The following ARHGEF12 variants were observed in gnomAD, a reference collection of about 807,000 sequenced individuals.
ARHGEF12 encodes the protein Rho guanine nucleotide exchange factor 12, also known as KMT2A/ARHGEF12 fusion protein.
Under a neutral mutation model 211.2 loss-of-function variants are expected in ARHGEF12, and 66 were observed. That is an observed-to-expected ratio of 0.31 (90% CI 0.26 to 0.38). The LOEUF (loss-of-function observed/expected upper bound fraction) is 0.38. Among genes scored for constraint, ARHGEF12 ranks in the 10% least tolerant of loss-of-function variants. The pLI is 1.00. For synonymous variants in ARHGEF12, 592 were observed against 638.4 expected (o/e 0.93, Z 1.09); for missense variants, 1,429 against 1,869.5 (o/e 0.76, Z 4.34).
chr11:120,355,836 G>C (rs1013665349), intron 1 of ARHGEF12, among the ~76,000 whole-genome samples: 1 of 152,202 alleles, frequency 6.6e-6, no homozygotes, highest in African/African-American at 2.4e-5. Context: ...TCTATTTTAA[G>C]ATAAATTACA....
chr11:120,477,890 A>C (rs1376662497), intron 36 of ARHGEF12, among the ~76,000 whole-genome samples: 1 of 151,478 alleles, frequency 6.6e-6, no homozygotes, highest in Non-Finnish European at 1.5e-5. Flanking sequence ...AAAGAAAAAA[A>C]AGAAAATAAA....
chr11:120,398,339 A>G (rs1352675014), intron 1 of ARHGEF12, among the ~76,000 whole-genome samples: 1 of 152,186 alleles, frequency 6.6e-6, no homozygotes, highest in Admixed American at 6.5e-5. Flanking sequence ...AATTCCTAAA[A>G]CACTCATCCT....
intron 12 of ARHGEF12, among the ~76,000 whole-genome samples, chr11:120,437,740 C>A (rs182281106): frequency 6.1e-4 from 93 of 152,278 alleles, no homozygotes; most frequent in Non-Finnish European, 9.6e-4. Context: ...TTTCCCCCTT[C>A]CCCCTAGCCC....
chr11:120,434,743 A>G (rs576705583), intron 11 of ARHGEF12, among the ~76,000 whole-genome samples: 1 of 152,334 alleles, frequency 6.6e-6, no homozygotes, highest in East Asian at 1.9e-4. Context: ...TTGGTAACAA[A>G]TCATCATCTG....
Position 120,485,558 on chromosome 11 carries a change from TG to T in ARHGEF12, c.*483del. 1 of 238,136 alleles carries T rather than the reference TG, an allele frequency of 4.2e-6. No individual in the cohort carries two copies. Among genetic ancestry groups the T allele is most frequent in the Non-Finnish European group, 8.3e-6 (1 of 120,914 alleles). 14.8% of individuals were successfully genotyped at this position (238,136 alleles called of 1,614,324 possible). Reference sequence around the variant, plus strand: ...TGCTCCTGAAGCAAAGAGGTCAGGATGGAGTATGCAGAAGTTGGGTAGAGAG... The same window carrying T: ...TGCTCCTGAAGCAAAGAGGTCAGGATGAGTATGCAGAAGTTGGGTAGAGAG... On this transcript the variant is annotated 3_prime_UTR_variant, in exon 41 of 41. Transcript: ENST00000397843.
At chr11:120,342,173 G>A (rs1942557220) in intron 1 of ARHGEF12, among the ~76,000 whole-genome samples, 1 of 151,816 alleles carries the variant, frequency 6.6e-6, no homozygotes, top group Admixed American at 6.6e-5. Flanking sequence ...ATTTTTCTGT[G>A]CTATTTTCCT....
chr11:120,362,601 G>C (rs1220876725), intron 1 of ARHGEF12, among the ~76,000 whole-genome samples: 1 of 152,156 alleles, frequency 6.6e-6, no homozygotes, highest in Admixed American at 6.5e-5. Flanking sequence ...TTGGAAATAA[G>C]AGTAGAGACT....
In ARHGEF12 at chr11:120,480,158, T is replaced by C. The variant is rs768099529; in HGVS notation, c.3965T>C (p.Ile1322Thr). The C allele has an allele frequency of 3.7e-6, 6 of 1,614,072 alleles. No individual in the cohort carries two copies. Among genetic ancestry groups the C allele is most frequent in the South Asian group, 2.2e-5 (2 of 91,088 alleles). Residue 1322 changes from isoleucine to threonine, a missense_variant, in exon 38 of 41, where the codon ATT becomes ACT. By Grantham distance (89) the Ile-to-Thr change is moderately conservative. This residue lies in a region of ARHGEF12 where 467 missense variants were observed against 468.4 expected (regional missense o/e 1.00). Transcript: ENST00000397843. ...HMPFRTGTGD[I>T]ATCYSPRTST... Reference sequence around the variant, plus strand: ...CCCTTTAGAACTGGAACTGGTGACATTGCAACTTGTTACAGTCCACGGACT... The same window carrying C: ...CCCTTTAGAACTGGAACTGGTGACACTGCAACTTGTTACAGTCCACGGACT...
At chr11:120,472,999 G>T in intron 30 of ARHGEF12, 51 bp from the exon 31 acceptor site, 1 of 1,536,836 alleles carries the variant, frequency 6.5e-7, no homozygotes, top group Admixed American at 1.7e-5. Context: ...AAATAGAGAG[G>T]TCATTAATGA....
chr11:120,407,879 T>A, intron 3 of ARHGEF12, 56 bp downstream of exon 3: 1 of 1,492,176 alleles, frequency 6.7e-7, no homozygotes, highest in Non-Finnish European at 9.3e-7. Context: ...TTCAGAATAA[T>A]AGAGCTTAAG....
At chr11:120,443,136 C>G (rs984850042) in intron 15 of ARHGEF12, among the ~76,000 whole-genome samples, 2 of 151,762 alleles carry the variant, frequency 1.3e-5, no homozygotes, top group African/African-American at 4.8e-5. Flanking sequence ...ATCCTCCTGC[C>G]TCAGCCTCCC....
At chr11:120,483,506 C>T (rs1386549732) in intron 39 of ARHGEF12, among the ~76,000 whole-genome samples, 1 of 152,016 alleles carries the variant, frequency 6.6e-6, no homozygotes, top group Non-Finnish European at 1.5e-5. Flanking sequence ...TCACCGCAAC[C>T]TCCGCCTCCC....
intron 1 of ARHGEF12, among the ~76,000 whole-genome samples, chr11:120,392,017 A>G (rs1406787596): frequency 6.6e-6 from 1 of 152,190 alleles, no homozygotes; most frequent in African/African-American, 2.4e-5. Flanking sequence ...GTGGTTTTCC[A>G]TTATATTATG....
intron 8 of ARHGEF12, among the ~76,000 whole-genome samples, chr11:120,429,016 A>C (rs1022684476): frequency 6.6e-6 from 1 of 152,182 alleles, no homozygotes. Context: ...CTAATTTGGT[A>C]AAATATTATA....
chr11:120,399,347 A>AAAAG (rs1944491274), intron 1 of ARHGEF12, among the ~76,000 whole-genome samples: 1 of 148,582 alleles, frequency 6.7e-6, no homozygotes, highest in African/African-American at 2.5e-5. Context: ...AAAAAAAAAA[A>AAAAG]AAAAGAAAAG....
At chr11:120,443,552 T>G (rs1323007245) in intron 15 of ARHGEF12, among the ~76,000 whole-genome samples, 1 of 152,222 alleles carries the variant, frequency 6.6e-6, no homozygotes, top group East Asian at 1.9e-4. Context: ...CCCGTTTTCT[T>G]TGTATGCCTT....
chr11:120,432,055 A>C (rs763804281), intron 11 of ARHGEF12, 144 bp downstream of exon 11: 180 of 752,590 alleles, frequency 2.4e-4, no homozygotes, highest in Admixed American at 4.2e-4. Flanking sequence ...TGATAAACAG[A>C]AATCTGGTTA....
In ARHGEF12 at chr11:120,451,721, A is replaced by C. The variant is rs1431019301; in HGVS notation, c.2053A>C (p.Thr685Pro). The change falls in exon 22 of 41, where the codon ACA (threonine) becomes CCA (proline). Residue 685 changes from threonine (T) to proline (P), a missense_variant. By Grantham distance (38) the Thr-to-Pro change is conservative. Around this residue, in one of 7 missense-constraint regions of ARHGEF12, gnomAD observed 373 missense variants for 467.5 expected, o/e 0.80. Transcript: ENST00000397843. ...CCAGGAAGGAGGGAAAGAGAATGAT[A>C]CAGGTGAGCTATTACTGTAGTTCAG... ...FSQEGGKEND[T>P]GSKQVGETSA... The C allele has an allele frequency of 1.2e-6, 2 of 1,613,302 alleles. No individual in the cohort carries two copies. Among genetic ancestry groups the C allele is most frequent in the Non-Finnish European group, 1.7e-6 (2 of 1,179,560 alleles).
chr11:120,349,718 GA>G (rs1373789911), intron 1 of ARHGEF12, among the ~76,000 whole-genome samples: 44 of 152,332 alleles, frequency 2.9e-4, no homozygotes, highest in Non-Finnish European at 2.9e-4. Flanking sequence ...CATCGTAAGA[GA>G]GAGCTCAGTA....
Sources: gnomAD v4.1 joint callset for allele counts (sites outside exome capture counted in the v4.1 genomes callset) on GRCh38, gnomAD v4.1.1 for gene constraint, gnomAD v4.1.1 regional missense constraint, MANE v1.5 for transcripts, NCBI Gene and HGNC (gene_info 2026-07-23, HGNC 2026-07-21) for gene names.